The following CHST11 variants were observed in gnomAD, a reference collection of about 807,000 sequenced individuals.
CHST11 encodes the protein carbohydrate sulfotransferase 11.
Under a neutral mutation model 30.4 loss-of-function variants are expected in CHST11, and 9 were observed. The observed-to-expected ratio is 0.30, with a 90% CI of 0.18 to 0.52. The LOEUF (loss-of-function observed/expected upper bound fraction) is 0.52. CHST11 is among the 20% of genes least tolerant of loss of function. CHST11 has a pLI of 0.97. For synonymous variants in CHST11, 152 were observed against 187.8 expected, an observed-to-expected ratio of 0.81 and a Z score of 1.56; for missense variants, 348 against 460.6, an observed-to-expected ratio of 0.76 and a Z score of 2.24.
intron 2 of CHST11, among the ~76,000 whole-genome samples, chr12:104,639,721 T>G (rs1223817355): frequency 6.6e-6 from 1 of 152,190 alleles, no homozygotes; most frequent in Non-Finnish European, 1.5e-5. Context: ...TAACATGATC[T>G]GAGGGAGTAG....
chr12:104,477,758 T>A (rs1234127502), intron 1 of CHST11, among the ~76,000 whole-genome samples: 1 of 152,262 alleles, frequency 6.6e-6, no homozygotes, highest in South Asian at 2.1e-4. Context: ...ACAAGCCACC[T>A]AGTGCAGGAT....
chr12:104,645,167 T>G (rs1423277667), intron 2 of CHST11, among the ~76,000 whole-genome samples: 1 of 152,144 alleles, frequency 6.6e-6, no homozygotes, highest in African/African-American at 2.4e-5. Context: ...CAGGATGGTC[T>G]CGATCTCCTG....
chr12:104,740,721 G>C (rs1242398962), intron 2 of CHST11, among the ~76,000 whole-genome samples: 1 of 152,206 alleles, frequency 6.6e-6, no homozygotes, highest in African/African-American at 2.4e-5. Context: ...TCATGCAATT[G>C]AGGGTGTCTT....
intron 1 of CHST11, among the ~76,000 whole-genome samples, chr12:104,588,201 T>C (rs778012211): frequency 5.3e-5 from 8 of 152,180 alleles, no homozygotes; most frequent in Non-Finnish European, 1.2e-4. Context: ...TTTTAGAACA[T>C]TTCCATCACC....
intron 2 of CHST11, among the ~76,000 whole-genome samples, chr12:104,690,380 A>C (rs968125599): frequency 6.6e-6 from 1 of 152,198 alleles, no homozygotes; most frequent in African/African-American, 2.4e-5. Flanking sequence ...GCTAAAAACT[A>C]TTCTTAAAGT....
At chr12:104,673,387 C>G (rs557696921) in intron 2 of CHST11, among the ~76,000 whole-genome samples, 3 of 152,252 alleles carry the variant, frequency 2.0e-5, no homozygotes, top group South Asian at 2.1e-4. Flanking sequence ...GAGCCTAGAG[C>G]ATTTTCTCAA....
Position 104,575,085 on chromosome 12 carries a change from C to T in CHST11, c.119-26821C>T, listed in dbSNP as rs529302611. On this transcript the variant is annotated intron_variant, in intron 1 of 2. Coordinates refer to ENST00000303694, the MANE Select transcript of CHST11 (RefSeq NM_018413.6). ...GCATGCACCTGCAATTCCAGCTACT[C>T]AGGAGGCTGAGGCACAAGAATTACT... 2.0e-5 allele frequency among the ~76,000 whole-genome samples: 3 copies of T among 151,726 alleles called. No homozygotes were observed. In the South Asian group the frequency reaches 6.3e-4, roughly 32 times the overall value.
At chr12:104,708,093 T>C (rs1406579276) in intron 2 of CHST11, among the ~76,000 whole-genome samples, 1 of 152,160 alleles carries the variant, frequency 6.6e-6, no homozygotes, top group Non-Finnish European at 1.5e-5. Context: ...CCCGGGGAGA[T>C]TGTCGGGCCA....
intron 2 of CHST11, among the ~76,000 whole-genome samples, chr12:104,620,225 C>G (rs1283530548): frequency 6.6e-6 from 1 of 152,224 alleles, no homozygotes; most frequent in Non-Finnish European, 1.5e-5. Flanking sequence ...GAGTTTCTCT[C>G]ATCCATAGAA....
intron 1 of CHST11, among the ~76,000 whole-genome samples, chr12:104,528,202 A>C (rs191943109): frequency 3.3e-5 from 5 of 152,358 alleles, no homozygotes; most frequent in Admixed American, 6.5e-5. Flanking sequence ...CACGTTCTAT[A>C]CACCAAACAA....
intron 2 of CHST11, among the ~76,000 whole-genome samples, chr12:104,620,228 C>G (rs973904493): frequency 9.2e-5 from 14 of 152,202 alleles, no homozygotes; most frequent in African/African-American, 3.4e-4. Context: ...TTTCTCTCAT[C>G]CATAGAACAG....
chr12:104,568,728 C>T (rs2038595529), intron 1 of CHST11, among the ~76,000 whole-genome samples: 4 of 152,132 alleles, frequency 2.6e-5, no homozygotes, highest in Admixed American at 2.6e-4. Flanking sequence ...AACTAAAGCT[C>T]AGAGAGGTTA....
At chr12:104,560,548 C>T (rs895900018) in intron 1 of CHST11, among the ~76,000 whole-genome samples, 47 of 152,176 alleles carry the variant, frequency 3.1e-4, no homozygotes, top group African/African-American at 1.1e-3. Flanking sequence ...CATACCTCAG[C>T]AGGCAGCATT....
intron 1 of CHST11, among the ~76,000 whole-genome samples, chr12:104,535,612 T>G (rs978385861): frequency 6.6e-6 from 1 of 152,162 alleles, no homozygotes; most frequent in African/African-American, 2.4e-5. Flanking sequence ...CCTCTCCCAT[T>G]GCCAGGGTGG....
At chr12:104,514,376 C>T in intron 1 of CHST11, 2 of 944,794 alleles carry the variant, frequency 2.1e-6, no homozygotes, top group East Asian at 4.8e-5. Flanking sequence ...TGGGCTTTGC[C>T]CTGTCTGAGG....
intron 1 of CHST11, among the ~76,000 whole-genome samples, chr12:104,562,953 A>G (rs1171890775): frequency 6.6e-6 from 1 of 152,216 alleles, no homozygotes; most frequent in African/African-American, 2.4e-5. Context: ...TTGGTGCCTC[A>G]GTTTCCCCAT....
intron 1 of CHST11, among the ~76,000 whole-genome samples, chr12:104,489,125 C>A (rs1258194575): frequency 6.6e-6 from 1 of 152,034 alleles, no homozygotes; most frequent in African/African-American, 2.4e-5. Flanking sequence ...CAACCTCCAC[C>A]TCCCAAGTTC....
At chr12:104,681,789 C>T (rs2039797637) in intron 2 of CHST11, among the ~76,000 whole-genome samples, 1 of 148,902 alleles carries the variant, frequency 6.7e-6, no homozygotes, top group African/African-American at 2.5e-5. Flanking sequence ...GGTCTAGAAA[C>T]ACTCATATAC....
chr12:104,637,793 G>A (rs185567219), intron 2 of CHST11, among the ~76,000 whole-genome samples: 1 of 152,138 alleles, frequency 6.6e-6, no homozygotes, highest in Non-Finnish European at 1.5e-5. Context: ...TCACGTACAT[G>A]CACTTGGTCT....
Sources: gnomAD v4.1 joint callset for allele counts (sites outside exome capture counted in the v4.1 genomes callset) on GRCh38, gnomAD v4.1.1 for gene constraint, MANE v1.5 for transcripts, NCBI Gene and HGNC (gene_info 2026-07-23, HGNC 2026-07-21) for gene names.